Variants in CR1L observed in about 807,000 individuals in gnomAD.
CR1L encodes complement component receptor 1-like protein.
Under a neutral mutation model 62.3 loss-of-function variants are expected in CR1L, and 59 were observed. That is an observed-to-expected ratio of 0.95 (90% CI 0.77 to 1.18). The LOEUF (loss-of-function observed/expected upper bound fraction) is 1.18, where lower values mean the gene tolerates loss of function less well. CR1L is among the 50% of genes most tolerant of loss of function. CR1L has a pLI of 0.00. For synonymous variants in CR1L, 279 were observed against 248.7 expected, an observed-to-expected ratio of 1.12 and a Z score of -1.15; for missense variants, 700 against 702.8, an observed-to-expected ratio of 1.00 and a Z score of 0.04.
intron 9 of CR1L, among the ~76,000 whole-genome samples, chr1:207,706,033 AT>A (rs1664261700): frequency 6.8e-6 from 1 of 147,814 alleles, no homozygotes; most frequent in African/African-American, 2.5e-5. Flanking sequence ...ATATATATAT[AT>A]ATATATATAT....
chr1:207,673,368 G>A (rs962658305), intron 1 of CR1L, among the ~76,000 whole-genome samples: 5 of 152,142 alleles, frequency 3.3e-5, no homozygotes, highest in African/African-American at 1.2e-4. Context: ...GAAAGTGCAT[G>A]CTCTTTTTTT....
Position 207,708,153 on chromosome 1 carries a change from A to T in CR1L, c.1329-25A>T, listed in dbSNP as rs370511076. 95 of 1,608,784 alleles carry T rather than the reference A, an allele frequency of 5.9e-5. 1 individual carries two copies. In the East Asian group the frequency reaches 1.6e-3, roughly 28 times the overall value. Reference sequence around the variant, plus strand: ...AAGTTGATGAGGTATGTACAGCACAATTATTTTCCATTTTTTGCCTTTAGG... The same window carrying T: ...AAGTTGATGAGGTATGTACAGCACATTTATTTTCCATTTTTTGCCTTTAGG... On this transcript the variant is annotated intron_variant, in intron 9 of 11. Transcript: ENST00000508064.
intron 9 of CR1L, among the ~76,000 whole-genome samples, chr1:207,703,833 A>T (rs1664228424): frequency 6.6e-6 from 1 of 152,318 alleles, no homozygotes; most frequent in African/African-American, 2.4e-5. Flanking sequence ...ATGTGCCTGT[A>T]GTCCCAACTA....
chr1:207,700,037 A>C (rs546850706), intron 8 of CR1L, among the ~76,000 whole-genome samples: 1 of 151,930 alleles, frequency 6.6e-6, no homozygotes. Flanking sequence ...TCATTTTTTT[A>C]AAATGAGCCT....
At chr1:207,648,832 G>T (rs1663178008) in intron 1 of CR1L, among the ~76,000 whole-genome samples, 1 of 152,228 alleles carries the variant, frequency 6.6e-6, no homozygotes, top group Admixed American at 6.5e-5. Context: ...AAGACTGGGA[G>T]ATAGGCAGCA....
chr1:207,680,537 TAAAA>T (rs66787201), intron 3 of CR1L, among the ~76,000 whole-genome samples: 113 of 151,008 alleles, frequency 7.5e-4, no homozygotes, highest in Non-Finnish European at 1.1e-3. Context: ...TATCTCAAAA[TAAAA>T]AAATTTTTTT....
intron 1 of CR1L, among the ~76,000 whole-genome samples, chr1:207,671,873 A>G (rs1296336656): frequency 6.6e-6 from 1 of 150,916 alleles, no homozygotes; most frequent in East Asian, 1.9e-4. Flanking sequence ...GTGAGCCGAG[A>G]TCATGCCACT....
At chr1:207,654,575 A>G (rs992693404) in intron 1 of CR1L, among the ~76,000 whole-genome samples, 2 of 152,198 alleles carry the variant, frequency 1.3e-5, no homozygotes, top group Admixed American at 6.5e-5. Flanking sequence ...TGTATACTCA[A>G]TGAAAGTATT....
chr1:207,717,794 G>A, intron 11 of CR1L, 103 bp downstream of exon 11: 4 of 1,407,988 alleles, frequency 2.8e-6, no homozygotes, highest in Non-Finnish European at 3.9e-6. Flanking sequence ...AAATGGCTTT[G>A]CTGTAACTGT....
intron 4 of CR1L, among the ~76,000 whole-genome samples, chr1:207,692,215 A>G (rs898748810): frequency 7.9e-5 from 12 of 152,232 alleles, no homozygotes; most frequent in Admixed American, 3.9e-4. Context: ...TGATTTAACA[A>G]TTTACATATG....
chr1:207,722,891 T>C (rs917908512), intron 11 of CR1L, among the ~76,000 whole-genome samples: 7 of 152,156 alleles, frequency 4.6e-5, no homozygotes, highest in Non-Finnish European at 1.0e-4. Flanking sequence ...TATTAAGGGT[T>C]TCATGAGAAA....
intron 1 of CR1L, among the ~76,000 whole-genome samples, chr1:207,673,441 G>T (rs1318184807): frequency 6.6e-6 from 1 of 152,234 alleles, no homozygotes; most frequent in Non-Finnish European, 1.5e-5. Flanking sequence ...TAAGTATGCA[G>T]AATGGAAAGC....
intron 1 of CR1L, among the ~76,000 whole-genome samples, chr1:207,668,175 C>T (rs1319877542): frequency 1.3e-5 from 2 of 150,818 alleles, no homozygotes; most frequent in African/African-American, 5.0e-5. Flanking sequence ...GGGTATATAC[C>T]CAAAAGAAAG....
At chr1:207,712,071 G>T (rs188567681) in intron 10 of CR1L, among the ~76,000 whole-genome samples, 77 of 152,310 alleles carry the variant, frequency 5.1e-4, no homozygotes, top group Non-Finnish European at 1.8e-4. Context: ...CTAAAAGATC[G>T]CTGTCTAGCA....
chr1:207,715,483 C>A, intron 10 of CR1L: 1 of 755,694 alleles, frequency 1.3e-6, no homozygotes, highest in South Asian at 1.5e-5. Flanking sequence ...TTGTCTGGAT[C>A]TTTACTTAAC....
intron 9 of CR1L, among the ~76,000 whole-genome samples, chr1:207,703,547 A>G (rs1181374337): frequency 6.6e-6 from 1 of 152,272 alleles, no homozygotes; most frequent in East Asian, 1.9e-4. Flanking sequence ...TTTGTATCCA[A>G]TCAGGCAAGA....
chr1:207,655,451 A>G (rs1278498009), intron 1 of CR1L, among the ~76,000 whole-genome samples: 1 of 152,146 alleles, frequency 6.6e-6, no homozygotes, highest in Non-Finnish European at 1.5e-5. Flanking sequence ...GATTTTTTAA[A>G]TAAGTATTGA....
At chr1:207,678,525 G>C (rs1232652127) in intron 3 of CR1L, among the ~76,000 whole-genome samples, 2 of 152,200 alleles carry the variant, frequency 1.3e-5, no homozygotes, top group Non-Finnish European at 1.5e-5. Flanking sequence ...TATATGAAAA[G>C]TGTGGCATTC....
At chr1:207,700,012 T>C (rs1664167029) in intron 8 of CR1L, among the ~76,000 whole-genome samples, 1 of 152,170 alleles carries the variant, frequency 6.6e-6, no homozygotes. Flanking sequence ...TGCTGAGAGA[T>C]TCATAAATAA....
Sources: allele counts gnomAD v4.1 joint callset (sites outside exome capture counted in the v4.1 genomes callset), GRCh38; gene constraint gnomAD v4.1.1; transcripts MANE v1.5; gene names NCBI Gene and HGNC (gene_info 2026-07-23, HGNC 2026-07-21).